Variants in TNFSF8 observed in about 807,000 individuals in gnomAD.
The protein encoded by TNFSF8 is TNF superfamily member 8, also known as tumor necrosis factor ligand superfamily member 8.
Under a neutral mutation model 22.0 loss-of-function variants are expected in TNFSF8, and 4 were observed. The observed-to-expected ratio is 0.18, with a 90% CI of 0.09 to 0.42. The LOEUF is 0.42. TNFSF8 is among the 10% of genes least tolerant of loss of function. TNFSF8 has a pLI of 1.00. For missense variants in TNFSF8, 233 were observed against 281.8 expected (o/e 0.83, Z 1.24); for synonymous variants, 106 against 112.5 (o/e 0.94, Z 0.37).
chr9:114,920,588 C>T (rs1827974909), intron 1 of TNFSF8, among the ~76,000 whole-genome samples: 2 of 152,218 alleles, frequency 1.3e-5, no homozygotes, highest in African/African-American at 4.8e-5. Flanking sequence ...GCTGTTAGAA[C>T]TTCAATGTGC....
chr9:114,917,774 A>C (rs958696155), intron 2 of TNFSF8, among the ~76,000 whole-genome samples: 4 of 152,230 alleles, frequency 2.6e-5, no homozygotes, highest in Non-Finnish European at 5.9e-5. Context: ...AGTCAAGCCA[A>C]GATTCATTCC....
downstream of TNFSF8, among the ~76,000 whole-genome samples, chr9:114,898,936 G>C (rs1321072921): frequency 6.6e-6 from 1 of 152,154 alleles, no homozygotes; most frequent in Admixed American, 6.6e-5. Context: ...CTGCTGCCGC[G>C]AACAGGAAAC....
chr9:114,926,139 T>C (rs1828055104), intron 1 of TNFSF8, among the ~76,000 whole-genome samples: 1 of 152,242 alleles, frequency 6.6e-6, no homozygotes, highest in Non-Finnish European at 1.5e-5. Context: ...TGTAAAGAAG[T>C]GTCTGTTGGT....
At chr9:114,928,999 T>G (rs2131352493) in intron 1 of TNFSF8, among the ~76,000 whole-genome samples, 1 of 152,264 alleles carries the variant, frequency 6.6e-6, no homozygotes, top group South Asian at 2.1e-4. Flanking sequence ...CACTATGAAG[T>G]AAGAAACAGA....
At chr9:114,910,465 A>G (rs922729096) in intron 2 of TNFSF8, among the ~76,000 whole-genome samples, 6 of 152,194 alleles carry the variant, frequency 3.9e-5, no homozygotes, top group African/African-American at 1.2e-4. Context: ...GGTTCAGAAC[A>G]CAGGGCTTCT....
intron 2 of TNFSF8, among the ~76,000 whole-genome samples, chr9:114,917,522 G>A (rs1885383): frequency 0.2 from 30,700 of 152,132 alleles, 6,548 homozygotes; most frequent in African/African-American, 0.53. Flanking sequence ...TAGTAGAGAC[G>A]ACGTGTTAAT....
In TNFSF8 at chr9:114,903,911, T is replaced by C; in HGVS notation, c.*20A>G. 1 of 1,586,556 alleles carries C rather than the reference T, an allele frequency of 6.3e-7. No homozygotes were observed. The stretch of plus-strand genomic sequence containing the variant: ...GTATGGTAGAGAGGCGCTTTCTTCC[T>C]GAAGGCCAAGAGAAACTGTTCAGTC... On this transcript the variant is annotated 3_prime_UTR_variant, in exon 4 of 4. Transcript: ENST00000223795.
At chr9:114,899,889 A>T (rs1286777887), downstream of TNFSF8, among the ~76,000 whole-genome samples, 1 of 152,196 alleles carries the variant, frequency 6.6e-6, no homozygotes, top group Non-Finnish European at 1.5e-5. Flanking sequence ...TCTTTGTGAC[A>T]CCATTTATAA....
chr9:114,901,870 A>T lies in TNFSF8; in HGVS notation c.*2061T>A. 1 of 953,610 alleles carries T rather than the reference A, an allele frequency of 1.0e-6. No individual in the cohort carries two copies. The highest frequency in any genetic ancestry group is 1.2e-6 in the Non-Finnish European group (1 of 801,102). 59.1% of individuals were successfully genotyped at this position (953,610 alleles called of 1,614,324 possible). A position where few individuals can be genotyped will look rare whatever the true frequency, so the allele number is the denominator to read the frequency against. On this transcript the variant is annotated 3_prime_UTR_variant, in exon 4 of 4. Coordinates refer to ENST00000223795, the MANE Select transcript of TNFSF8 (RefSeq NM_001244.4). ...GATGACTTAAAATTTTCCCTTAGCCATTTTTGTTCTCTCAAGTCCCTTTCA... is the reference window on the plus strand; with the variant it reads ...GATGACTTAAAATTTTCCCTTAGCCTTTTTTGTTCTCTCAAGTCCCTTTCA...
At chr9:114,913,683 TG>T (rs1030785813) in intron 2 of TNFSF8, among the ~76,000 whole-genome samples, 1 of 152,140 alleles carries the variant, frequency 6.6e-6, no homozygotes, top group African/African-American at 2.4e-5. Context: ...GTGGATACGC[TG>T]GATTTGAGGT....
chr9:114,904,246 A>G lies in TNFSF8; in HGVS notation c.390T>C (p.Asn130=). The change falls in exon 4 of 4, where the codon AAT becomes AAC. Residue 130 remains asparagine (N), a synonymous_variant. Transcript: ENST00000223795. ...ACAAACCAGGGAATTGGATCACCAG[A>G]TTCCCATCCTGATATCTGACTCCAT... The part of the protein sequence containing the change: ...ILHGVRYQDG[N]LVIQFPGLYF... 6.2e-7 allele frequency: 1 copy of G among 1,614,128 alleles called. No individual in the cohort carries two copies. Among genetic ancestry groups the G allele is most frequent in the Non-Finnish European group, 8.5e-7 (1 of 1,179,986 alleles).
In TNFSF8 at chr9:114,901,822, T is replaced by C. The variant is rs1382997673; in HGVS notation, c.*2109A>G. On this transcript the variant is annotated 3_prime_UTR_variant, in exon 4 of 4. Coordinates refer to ENST00000223795, the MANE Select transcript of TNFSF8 (RefSeq NM_001244.4). ...TTCATAGAGGAGACCTAGGAGGAGG[T>C]TGACACAGCACACTGCTCAGCAGAT... The C allele has an allele frequency of 6.2e-6, 6 of 962,342 alleles. No individual in the cohort carries two copies. Among genetic ancestry groups the C allele is most frequent in the East Asian group, 1.2e-4 (1 of 8,694 alleles). The allele number at this position is 962,342 out of a possible 1,614,324, so 59.6% of individuals were successfully genotyped here.
At chr9:114,897,605 A>T (rs1443455544), downstream of TNFSF8, among the ~76,000 whole-genome samples, 2 of 152,202 alleles carry the variant, frequency 1.3e-5, no homozygotes, top group Non-Finnish European at 2.9e-5. Flanking sequence ...GTGACATTGA[A>T]ATGGAAATCA....
At chr9:114,899,155 C>T (rs1827688817), downstream of TNFSF8, among the ~76,000 whole-genome samples, 1 of 152,162 alleles carries the variant, frequency 6.6e-6, no homozygotes, top group South Asian at 2.1e-4. Flanking sequence ...GATGGACAAA[C>T]ATTCCAAAAT....
chr9:114,920,453 A>G (rs529325150), intron 1 of TNFSF8, among the ~76,000 whole-genome samples: 54 of 152,340 alleles, frequency 3.5e-4, no homozygotes, highest in African/African-American at 1.3e-3. Context: ...ACTAAAAGAC[A>G]TCCTATGGAT....
chr9:114,899,098 G>A (rs1057261907), downstream of TNFSF8, among the ~76,000 whole-genome samples: 1 of 152,138 alleles, frequency 6.6e-6, no homozygotes, highest in Non-Finnish European at 1.5e-5. Context: ...CTCTGCAAAC[G>A]AAGCTGCAGA....
intron 1 of TNFSF8, among the ~76,000 whole-genome samples, chr9:114,919,714 G>T (rs527503494): frequency 6.6e-6 from 1 of 152,088 alleles, no homozygotes; most frequent in African/African-American, 2.4e-5. Context: ...ATTAGCAGCC[G>T]CCCACAGCTT....
At chr9:114,913,812 T>A (rs1827881644) in intron 2 of TNFSF8, among the ~76,000 whole-genome samples, 1 of 152,230 alleles carries the variant, frequency 6.6e-6, no homozygotes, top group Non-Finnish European at 1.5e-5. Context: ...CTGTGAGAAC[T>A]GCATGAGTGA....
At position 114,902,427 on chromosome 9, in the gene TNFSF8, GA is replaced by G; in HGVS notation, c.*1503del. On this transcript the variant is annotated 3_prime_UTR_variant, in exon 4 of 4. Coordinates refer to ENST00000223795, the MANE Select transcript of TNFSF8 (RefSeq NM_001244.4). ...TAAAGGCACAATGCTTTCCTGACCA[GA>G]AATGAAAAATGCCTGCTGCTCAATT... 1 of 985,418 alleles carries G rather than the reference GA, an allele frequency of 1.0e-6. No homozygotes were observed. Among genetic ancestry groups the G allele is most frequent in the Non-Finnish European group, 1.2e-6 (1 of 829,924 alleles). 61.0% of individuals were successfully genotyped at this position (985,418 alleles called of 1,614,324 possible).
Sources: allele counts gnomAD v4.1 joint callset (sites outside exome capture counted in the v4.1 genomes callset), GRCh38; gene constraint gnomAD v4.1.1; transcripts MANE v1.5; gene names NCBI Gene and HGNC (gene_info 2026-07-23, HGNC 2026-07-21).